WARS1: variants seen among roughly 807,000 people sequenced by gnomAD.
The protein encoded by WARS1 is tryptophan--tRNA ligase, cytoplasmic.
In WARS1, 17 loss-of-function variants were observed where a neutral mutation model predicts 47.8. The ratio of observed to expected loss-of-function variants is 0.36; its 90% CI spans 0.24 to 0.53. WARS1 has a LOEUF of 0.53. Among genes scored for constraint, WARS1 ranks in the 20% least tolerant of loss-of-function variants. The probability of loss-of-function intolerance (pLI) is 0.91; values close to 1 mark genes in which losing one functional copy is unlikely to be tolerated. For missense variants in WARS1, 434 were observed against 608.0 expected (o/e 0.71, Z 3.01); for synonymous variants, 208 against 228.1 (o/e 0.91, Z 0.79).
intron 4 of WARS1, among the ~76,000 whole-genome samples, chr14:100,357,716 C>A (rs1429733538): frequency 6.6e-6 from 1 of 152,174 alleles, no homozygotes; most frequent in African/African-American, 2.4e-5. Context: ...CCGCCTCGGC[C>A]TCCCAAAGTG....
intron 3 of WARS1, 155 bp downstream of exon 3, chr14:100,361,553 G>A (rs969088833): frequency 3.1e-6 from 2 of 653,352 alleles, no homozygotes; most frequent in African/African-American, 1.8e-5. Context: ...GGAATATAAT[G>A]CACAACCAAA....
At chr14:100,358,258 G>C (rs958542794) in intron 4 of WARS1, among the ~76,000 whole-genome samples, 1 of 151,888 alleles carries the variant, frequency 6.6e-6, no homozygotes, top group African/African-American at 2.4e-5. Flanking sequence ...TCAGCCTCCC[G>C]AGTAGCTGGG....
chr14:100,341,934 C>A (rs1894189447), intron 9 of WARS1: 1 of 227,336 alleles, frequency 4.4e-6, no homozygotes, highest in Non-Finnish European at 9.0e-6. Flanking sequence ...CTCATCATCT[C>A]ATCTTTAAAG....
At chr14:100,346,896 A>G (rs1314184540) in intron 6 of WARS1, 50 bp from the exon 7 acceptor site, 1 of 1,519,210 alleles carries the variant, frequency 6.6e-7, no homozygotes, top group Non-Finnish European at 9.1e-7. Flanking sequence ...GCCTTCACTG[A>G]AGGCAAAGTC....
chr14:100,355,926 A>G (rs533801560), intron 4 of WARS1, among the ~76,000 whole-genome samples: 160 of 152,308 alleles, frequency 1.1e-3, no homozygotes, highest in African/African-American at 3.5e-3. Context: ...AAAAAAATGT[A>G]ACTGTGCCAC....
At chr14:100,336,177 G>C (rs756122051) in intron 10 of WARS1, among the ~76,000 whole-genome samples, 33 of 151,492 alleles carry the variant, frequency 2.2e-4, no homozygotes, top group Admixed American at 3.9e-4. Flanking sequence ...TCGGGAGGCT[G>C]AGGCAGGAGA....
At position 100,337,076 on chromosome 14, in the gene WARS1, C is replaced by G; in HGVS notation, c.1240G>C (p.Glu414Gln). The change falls in exon 10 of 11, where the codon GAG becomes CAG. Residue 414 changes from glutamate (E) to glutamine (Q), a missense_variant. By Grantham distance (29) the Glu-to-Gln change is conservative (BLOSUM62 2). This residue lies in a region of WARS1 where 347 missense variants were observed against 523.8 expected (regional missense o/e 0.66). Coordinates refer to ENST00000392882, the MANE Select transcript of WARS1 (RefSeq NM_004184.4). ...TFFLEDDDKL[E>Q]QIRKDYTSGA... ...TCCCTGCTCACCTTCCTGATCTGCT[C>G]GAGCTTGTCGTCGTCCTCGAGGAAG... The G allele has an allele frequency of 1.2e-6, 2 of 1,613,952 alleles. No homozygotes were observed. The highest frequency in any genetic ancestry group is 8.5e-7 in the Non-Finnish European group (1 of 1,179,858).
intron 6 of WARS1, among the ~76,000 whole-genome samples, chr14:100,350,489 G>C (rs1004787193): frequency 6.6e-6 from 1 of 151,710 alleles, no homozygotes; most frequent in African/African-American, 2.4e-5. Flanking sequence ...ACAGCACGAG[G>C]AATGGCGGCC....
At chr14:100,335,166 G>A in intron 10 of WARS1, 130 bp from the exon 11 acceptor site, 1 of 787,784 alleles carries the variant, frequency 1.3e-6, no homozygotes, top group Non-Finnish European at 2.0e-6. Context: ...TCAGAAGTGA[G>A]ATCTGTTGTT....
intron 4 of WARS1, among the ~76,000 whole-genome samples, chr14:100,357,337 C>G (rs990305694): frequency 2.0e-5 from 3 of 152,036 alleles, no homozygotes; most frequent in Non-Finnish European, 4.4e-5. Flanking sequence ...AAAACTGTCT[C>G]TAATCATAGG....
chr14:100,346,641 C>T (rs544602065), intron 7 of WARS1, 105 bp downstream of exon 7: 144 of 958,642 alleles, frequency 1.5e-4, no homozygotes, highest in South Asian at 3.7e-4. Flanking sequence ...CAGTTGCAAA[C>T]GCTAACATCT....
chr14:100,337,100 A>C lies in WARS1; in HGVS notation c.1216T>G (p.Phe406Val). 6.2e-7 allele frequency: 1 copy of C among 1,614,112 alleles called. No individual in the cohort carries two copies. Among genetic ancestry groups the C allele is most frequent in the Non-Finnish European group, 8.5e-7 (1 of 1,179,986 alleles). Residue 406 changes from phenylalanine (F) to valine (V), a missense_variant, in exon 10 of 11, where the codon TTC (phenylalanine) becomes GTC (valine). Transcript: ENST00000392882. Reference protein sequence around the residue: ...VDVSFMYLTFFLEDDDKLEQI... With the variant: ...VDVSFMYLTFVLEDDDKLEQI... ...TCGAGCTTGTCGTCGTCCTCGAGGAAGAAGGTCAGGTACATGAAAGACACG... is the reference window on the plus strand; with the variant it reads ...TCGAGCTTGTCGTCGTCCTCGAGGACGAAGGTCAGGTACATGAAAGACACG...
At position 100,342,576 on chromosome 14, in the gene WARS1, G is replaced by A; in HGVS notation, c.940-5C>T. 1 of 1,607,684 alleles carries A rather than the reference G, an allele frequency of 6.2e-7. No individual in the cohort carries two copies. The highest frequency in any genetic ancestry group is 1.3e-5 in the African/African-American group (1 of 74,856). On this transcript the variant is annotated splice_polypyrimidine_tract_variant and splice_region_variant and intron_variant, in intron 8 of 10. Transcript: ENST00000392882. Reference sequence around the variant, plus strand: ...TGTCATTCTAAAGTAAGGATCCTGTGGGGAGAGTAAGGACCCTGATGAGGG... The same window carrying A: ...TGTCATTCTAAAGTAAGGATCCTGTAGGGAGAGTAAGGACCCTGATGAGGG...
intron 9 of WARS1, among the ~76,000 whole-genome samples, chr14:100,337,587 G>A (rs1481485553): frequency 6.6e-6 from 1 of 151,662 alleles, no homozygotes; most frequent in Non-Finnish European, 1.5e-5. Context: ...ATGGTAGCTT[G>A]TGCCAGTAAT....
intron 2 of WARS1, among the ~76,000 whole-genome samples, chr14:100,364,276 T>C (rs1432151260): frequency 6.6e-6 from 1 of 152,212 alleles, no homozygotes; most frequent in Non-Finnish European, 1.5e-5. Flanking sequence ...CTGCTCAAAC[T>C]ATTTCCCCTC....
intron 2 of WARS1, chr14:100,366,712 A>G (rs1270714988): frequency 5.0e-6 from 4 of 804,166 alleles, no homozygotes; most frequent in Middle Eastern, 6.6e-4. Flanking sequence ...GGACACCATT[A>G]GAAACTATCC....
intron 1 of WARS1, among the ~76,000 whole-genome samples, chr14:100,371,911 G>A (rs140692634): frequency 2.0e-5 from 3 of 152,050 alleles, no homozygotes; most frequent in African/African-American, 7.2e-5. Flanking sequence ...CCCTGTGACC[G>A]GCACGTACAC....
chr14:100,360,735 G>A, intron 3 of WARS1, 73 bp from the exon 4 acceptor site: 6 of 1,137,238 alleles, frequency 5.3e-6, no homozygotes, highest in Non-Finnish European at 7.8e-6. Context: ...AAATGAAGAT[G>A]AAAAGTGAGT....
chr14:100,335,598 G>A (rs776821698), intron 10 of WARS1, among the ~76,000 whole-genome samples: 1 of 151,962 alleles, frequency 6.6e-6, no homozygotes, highest in Non-Finnish European at 1.5e-5. Context: ...GGCTGGTCTC[G>A]ATCTCCTGAC....
Sources: allele counts gnomAD v4.1 joint callset (sites outside exome capture counted in the v4.1 genomes callset), GRCh38; gene constraint gnomAD v4.1.1; regional missense constraint gnomAD v4.1.1; transcripts MANE v1.5; gene names NCBI Gene and HGNC (gene_info 2026-07-23, HGNC 2026-07-21).